Variants in BLTP1 observed in about 807,000 individuals in gnomAD.
BLTP1 encodes the protein bridge-like lipid transfer protein family member 1.
the BLTP1 span, chr4:122,339,405 C>A: frequency 6.2e-7 from 1 of 1,609,820 alleles, no homozygotes; most frequent in Non-Finnish European, 8.5e-7. Context: ...AACTGGAATA[C>A]CAGGTATAGA....
At chr4:122,344,460 G>C in the BLTP1 span, 1 of 1,614,032 alleles carries the variant, frequency 6.2e-7, no homozygotes. Context: ...GTAAAAGTGA[G>C]TTTGTCACGG....
chr4:122,195,607 C>G, the BLTP1 span: 1 of 239,258 alleles, frequency 4.2e-6, no homozygotes, highest in Non-Finnish European at 6.8e-6. Context: ...GCATGAAGTG[C>G]TGAGGTTCAA....
At chr4:122,180,325 G>T in the BLTP1 span, among the ~76,000 whole-genome samples, 1 of 152,000 alleles carries the variant, frequency 6.6e-6, no homozygotes, top group East Asian at 1.9e-4. Context: ...CTCTTTGAAG[G>T]TCAAATTCTT....
the BLTP1 span, chr4:122,325,278 A>C: frequency 6.2e-7 from 1 of 1,609,850 alleles, no homozygotes; most frequent in Non-Finnish European, 8.5e-7. Flanking sequence ...GTGTGGATGC[A>C]GCATCTCCTG....
chr4:122,338,949 T>G, the BLTP1 span, among the ~76,000 whole-genome samples: 1 of 152,152 alleles, frequency 6.6e-6, no homozygotes, highest in Non-Finnish European at 1.5e-5. Context: ...ACACAAAATC[T>G]TAAGTATCAA....
the BLTP1 span, chr4:122,300,933 A>T: frequency 2.1e-6 from 2 of 971,194 alleles, no homozygotes; most frequent in Non-Finnish European, 2.4e-6. Flanking sequence ...AAAAAAAAAA[A>T]TGCTCTCTTA....
At chr4:122,176,463 A>G in the BLTP1 span, among the ~76,000 whole-genome samples, 10 of 152,202 alleles carry the variant, frequency 6.6e-5, no homozygotes, top group Non-Finnish European at 5.9e-5. Flanking sequence ...GTAAAAATAT[A>G]TATAAAATAG....
chr4:122,346,892 C>T, the BLTP1 span: 4 of 1,439,766 alleles, frequency 2.8e-6, no homozygotes, highest in Non-Finnish European at 3.7e-6. Context: ...TCCATTGGGC[C>T]CCTCTAATAT....
the BLTP1 span, chr4:122,264,266 C>G: frequency 6.2e-7 from 1 of 1,602,694 alleles, no homozygotes; most frequent in Non-Finnish European, 8.5e-7. Context: ...TGCACCCAAT[C>G]TTCCAACAAT....
the BLTP1 span, among the ~76,000 whole-genome samples, chr4:122,257,043 CGTT>C: frequency 6.6e-6 from 1 of 152,090 alleles, no homozygotes; most frequent in Non-Finnish European, 1.5e-5. Flanking sequence ...AAAGATGAAA[CGTT>C]GTGCCTAGAG....
chr4:122,157,459 C>T, the BLTP1 span, among the ~76,000 whole-genome samples: 1 of 152,150 alleles, frequency 6.6e-6, no homozygotes, highest in African/African-American at 2.4e-5. Flanking sequence ...TGTTCCACCT[C>T]AGATCATCAG....
At chr4:122,346,845 G>A in the BLTP1 span, 8 of 1,538,562 alleles carry the variant, frequency 5.2e-6, no homozygotes, top group Non-Finnish European at 1.7e-6. Flanking sequence ...TACTTGGCAG[G>A]GTGTACCATG....
At chr4:122,258,565 G>A in the BLTP1 span, 4 of 1,143,624 alleles carry the variant, frequency 3.5e-6, no homozygotes, top group South Asian at 1.9e-5. Context: ...GAGGATTGGG[G>A]TGGGGGAGAA....
chr4:122,235,019 A>G, the BLTP1 span: 1 of 1,598,358 alleles, frequency 6.3e-7, no homozygotes, highest in Non-Finnish European at 8.5e-7. Context: ...CCAAAATTAT[A>G]GATGGTAATA....
chr4:122,215,105 T>G, the BLTP1 span, among the ~76,000 whole-genome samples: 3 of 152,210 alleles, frequency 2.0e-5, no homozygotes, highest in African/African-American at 7.2e-5. Flanking sequence ...ATCCTAGTGT[T>G]TTATAACTCC....
the BLTP1 span, among the ~76,000 whole-genome samples, chr4:122,278,679 G>A: frequency 5.3e-5 from 8 of 152,210 alleles, no homozygotes; most frequent in Middle Eastern, 3.4e-3. Context: ...CTCCCCATGC[G>A]GGAGTGCAGT....
chr4:122,208,235 C>A, the BLTP1 span: 1 of 639,554 alleles, frequency 1.6e-6, no homozygotes, highest in Non-Finnish European at 1.9e-6. Flanking sequence ...CAGAACAACC[C>A]TATTGAGATT....
the BLTP1 span, among the ~76,000 whole-genome samples, chr4:122,201,633 T>G: frequency 6.6e-6 from 1 of 152,234 alleles, no homozygotes; most frequent in South Asian, 2.1e-4. Flanking sequence ...TATTGATAGC[T>G]TTGCATATTT....
chr4:122,291,302 G>T, the BLTP1 span, among the ~76,000 whole-genome samples: 1 of 152,212 alleles, frequency 6.6e-6, no homozygotes. Context: ...CACAGGGCCT[G>T]ATGGCGCATA....
Sources: allele counts gnomAD v4.1 joint callset (sites outside exome capture counted in the v4.1 genomes callset), GRCh38; gene constraint gnomAD v4.1.1; transcripts MANE v1.5; gene names NCBI Gene and HGNC (gene_info 2026-07-23, HGNC 2026-07-21).